Variants in RAB3C observed in about 807,000 individuals in gnomAD.
RAB3C encodes ras-related protein Rab-3C.
In RAB3C, 17 loss-of-function variants were observed where a neutral mutation model predicts 26.4. The ratio of observed to expected loss-of-function variants is 0.64; its 90% CI spans 0.44 to 0.97. The LOEUF (loss-of-function observed/expected upper bound fraction) is 0.97, where lower values mean the gene tolerates loss of function less well. RAB3C is among the 50% of genes least tolerant of loss of function. RAB3C has a pLI of 0.00. For missense variants in RAB3C, 242 were observed against 281.9 expected, an observed-to-expected ratio of 0.86 and a Z score of 1.01; for synonymous variants, 91 against 95.9, an observed-to-expected ratio of 0.95 and a Z score of 0.30.
chr5:58,807,978 T>C (rs1041140236), intron 3 of RAB3C, among the ~76,000 whole-genome samples: 3 of 152,070 alleles, frequency 2.0e-5, no homozygotes. Context: ...GTAATCCCAG[T>C]GCTTTGGGAG....
At chr5:58,631,930 G>A (rs923810484) in intron 2 of RAB3C, among the ~76,000 whole-genome samples, 1 of 152,176 alleles carries the variant, frequency 6.6e-6, no homozygotes, top group Non-Finnish European at 1.5e-5. Context: ...AGCAAGTTCT[G>A]TACATGTGGT....
Position 58,660,051 on chromosome 5 carries a change from C to T in RAB3C, c.252+42181C>T, listed in dbSNP as rs181077014. 1.3e-3 allele frequency among the ~76,000 whole-genome samples: 187 copies of T among 142,456 alleles called. 2 individuals carry two copies. Among genetic ancestry groups the T allele is most frequent in the South Asian group, 7.3e-3 (35 of 4,816 alleles). 93.5% of individuals were successfully genotyped at this position (142,456 alleles called of 152,430 possible). ...AATTCTTGAACTCAAGCAATCCGCCCGCCTCGGCCTCCCAAAGTGCTGGGA... is the reference window on the plus strand; with the variant it reads ...AATTCTTGAACTCAAGCAATCCGCCTGCCTCGGCCTCCCAAAGTGCTGGGA... On this transcript the variant is annotated intron_variant, in intron 2 of 4. Transcript: ENST00000282878.
In RAB3C at chr5:58,597,791, T is replaced by TATG. The variant is rs1554043507; in HGVS notation, c.24+14561_24+14562insGAT. Among the ~76,000 whole-genome samples, 159 of 20,768 alleles carry TATG rather than the reference T, an allele frequency of 7.7e-3. 13 individuals are homozygous for TATG. Among genetic ancestry groups the TATG allele is most frequent in the African/African-American group, 0.019 (119 of 6,198 alleles). The allele number at this position is 20,768 out of a possible 152,430, so 13.6% of individuals were successfully genotyped here. A position where few individuals can be genotyped will look rare whatever the true frequency, so the allele number is the denominator to read the frequency against. On this transcript the variant is annotated intron_variant, in intron 1 of 4. Coordinates refer to ENST00000282878, the MANE Select transcript of RAB3C (RefSeq NM_138453.4). ...ACATATAATACATTATATATAAGTA[T>TATG]ATAACATGTAATACATTATATATAA...
intron 2 of RAB3C, among the ~76,000 whole-genome samples, chr5:58,685,043 C>A (rs1001490784): frequency 6.6e-6 from 1 of 152,042 alleles, no homozygotes; most frequent in Admixed American, 6.5e-5. Context: ...AAAGAGAAAT[C>A]CTTAAGCTTA....
chr5:58,845,338 C>T (rs978507749), intron 4 of RAB3C, among the ~76,000 whole-genome samples: 1 of 151,904 alleles, frequency 6.6e-6, no homozygotes, highest in Non-Finnish European at 1.5e-5. Flanking sequence ...AGTGTGGGTT[C>T]ATGTTCTTCA....
intron 3 of RAB3C, among the ~76,000 whole-genome samples, chr5:58,742,381 AT>A (rs1741294799): frequency 6.6e-6 from 1 of 152,150 alleles, no homozygotes; most frequent in African/African-American, 2.4e-5. Context: ...AGCAACAAAT[AT>A]TTTGACCTCC....
intron 2 of RAB3C, among the ~76,000 whole-genome samples, chr5:58,668,744 A>G (rs1243640203): frequency 6.6e-6 from 1 of 152,024 alleles, no homozygotes; most frequent in Admixed American, 6.6e-5. Flanking sequence ...TTTTTCTAGT[A>G]CCTAAGCCAA....
chr5:58,754,586 A>ATTACCCAG (rs1165691470), intron 3 of RAB3C, among the ~76,000 whole-genome samples: 2 of 152,190 alleles, frequency 1.3e-5, no homozygotes, highest in African/African-American at 2.4e-5. Flanking sequence ...GAAAGTGCGA[A>ATTACCCAG]TTACCCAGTT....
intron 1 of RAB3C, among the ~76,000 whole-genome samples, chr5:58,587,767 G>C (rs1746042187): frequency 1.3e-5 from 2 of 152,040 alleles, no homozygotes; most frequent in African/African-American, 4.8e-5. Context: ...ACTTGAACTT[G>C]AGATCCCTGG....
intron 2 of RAB3C, among the ~76,000 whole-genome samples, chr5:58,653,582 G>A (rs745765540): frequency 8.5e-5 from 13 of 152,142 alleles, no homozygotes; most frequent in Non-Finnish European, 1.6e-4. Context: ...GATAAAGAAA[G>A]TGTGGCACAT....
chr5:58,719,910 TC>T (rs1357977368), intron 2 of RAB3C, among the ~76,000 whole-genome samples: 3 of 151,952 alleles, frequency 2.0e-5, no homozygotes, highest in African/African-American at 7.2e-5. Context: ...CACCACCTGT[TC>T]CCCAAAAACT....
chr5:58,813,592 T>TTATATATA lies in RAB3C; in HGVS notation c.372-11411_372-11404dup, dbSNP rs869039335. 3.6e-3 allele frequency among the ~76,000 whole-genome samples: 171 copies of TTATATATA among 47,606 alleles called. 1 individual carries two copies. The highest frequency in any genetic ancestry group is 5.7e-3 in the Non-Finnish European group (121 of 21,102). The allele number at this position is 47,606 out of a possible 152,430, so 31.2% of individuals were successfully genotyped here. A position where few individuals can be genotyped will look rare whatever the true frequency, so the allele number is the denominator to read the frequency against. On this transcript the variant is annotated intron_variant, in intron 3 of 4. Transcript: ENST00000282878. ...TGTTATGGTTAATTTATATTTATATTTATATATATATATATATATATATAT... is the reference window on the plus strand; with the variant it reads ...TGTTATGGTTAATTTATATTTATATTTATATATATATATATATATATATATATATATAT...
At chr5:58,758,963 G>A (rs545343819) in intron 3 of RAB3C, among the ~76,000 whole-genome samples, 1 of 152,026 alleles carries the variant, frequency 6.6e-6, no homozygotes, top group Admixed American at 6.6e-5. Context: ...CCAGCCTTTA[G>A]ATTTGACATT....
chr5:58,681,629 GAAGAGAGAGGAATC>G (rs1748346397), intron 2 of RAB3C, among the ~76,000 whole-genome samples: 1 of 152,188 alleles, frequency 6.6e-6, no homozygotes, highest in African/African-American at 2.4e-5. Flanking sequence ...GAGCCACAGT[GAAGAGAGAGGAATC>G]ATTTGTATTT....
intron 2 of RAB3C, among the ~76,000 whole-genome samples, chr5:58,700,011 C>T (rs1748807858): frequency 6.6e-6 from 1 of 152,168 alleles, no homozygotes; most frequent in Admixed American, 6.5e-5. Flanking sequence ...CCAGGCACCT[C>T]AGTTGGAAAT....
chr5:58,768,920 A>C (rs1741966331), intron 3 of RAB3C, among the ~76,000 whole-genome samples: 1 of 152,168 alleles, frequency 6.6e-6, no homozygotes, highest in African/African-American at 2.4e-5. Flanking sequence ...TAGATGGGGA[A>C]TCTAAGAAAG....
chr5:58,741,346 C>T (rs1741270755), intron 3 of RAB3C, among the ~76,000 whole-genome samples: 1 of 152,188 alleles, frequency 6.6e-6, no homozygotes, highest in Non-Finnish European at 1.5e-5. Context: ...ATTTCCAATG[C>T]ATCTTCTCTC....
At chr5:58,642,499 C>T (rs1747431388) in intron 2 of RAB3C, among the ~76,000 whole-genome samples, 1 of 152,112 alleles carries the variant, frequency 6.6e-6, no homozygotes, top group African/African-American at 2.4e-5. Context: ...GATTCTATAC[C>T]AGGCCTCAAT....
chr5:58,674,786 T>A (rs1252979739), intron 2 of RAB3C, among the ~76,000 whole-genome samples: 3 of 152,066 alleles, frequency 2.0e-5, no homozygotes, highest in African/African-American at 4.8e-5. Context: ...AAGTATAAGA[T>A]GTATCTTGTG....
Sources: allele counts gnomAD v4.1 joint callset (sites outside exome capture counted in the v4.1 genomes callset), GRCh38; gene constraint gnomAD v4.1.1; transcripts MANE v1.5; gene names NCBI Gene and HGNC (gene_info 2026-07-23, HGNC 2026-07-21).